Variants in SYN3 observed in about 807,000 individuals in gnomAD.
SYN3 encodes synapsin-3.
SYN3 carries 35 observed loss-of-function variants against 65.8 expected under a neutral mutation model. That is an observed-to-expected ratio of 0.53 (90% CI 0.41 to 0.70). The LOEUF (loss-of-function observed/expected upper bound fraction) is 0.70. Among genes scored for constraint, SYN3 ranks in the 30% least tolerant of loss-of-function variants. The pLI, the probability that SYN3 is intolerant of heterozygous loss-of-function variation, is 0.00. For missense variants in SYN3, 680 were observed against 749.0 expected (o/e 0.91, Z 1.08); for synonymous variants, 270 against 292.9 (o/e 0.92, Z 0.80).
At chr22:32,627,692 C>T (rs1437734659) in intron 6 of SYN3, among the ~76,000 whole-genome samples, 1 of 151,990 alleles carries the variant, frequency 6.6e-6, no homozygotes, top group East Asian at 1.9e-4. Flanking sequence ...TGCTCGGAAA[C>T]TCCAAGACCC....
At chr22:32,865,050 T>C in intron 5 of SYN3, 46 bp from the exon 6 acceptor site, 1 of 1,523,620 alleles carries the variant, frequency 6.6e-7, no homozygotes, top group Non-Finnish European at 9.1e-7. Context: ...TGTCACCCAG[T>C]ATAACAAAAC....
At chr22:32,762,213 G>A (rs1405568562) in intron 6 of SYN3, among the ~76,000 whole-genome samples, 1 of 152,138 alleles carries the variant, frequency 6.6e-6, no homozygotes. Context: ...GGTTAAAGCA[G>A]TGGGCTGGGA....
chr22:32,559,037 G>T (rs770244402), intron 7 of SYN3, among the ~76,000 whole-genome samples: 4 of 152,210 alleles, frequency 2.6e-5, no homozygotes, highest in Non-Finnish European at 5.9e-5. Context: ...TATGTGCTTG[G>T]TGCTATTCTA....
chr22:32,984,279 T>C (rs1192852370), intron 2 of SYN3, among the ~76,000 whole-genome samples: 1 of 152,104 alleles, frequency 6.6e-6, no homozygotes, highest in African/African-American at 2.4e-5. Flanking sequence ...AGACTCAGAA[T>C]GTAAACTTCT....
chr22:32,677,757 C>T (rs1047168626), intron 6 of SYN3, among the ~76,000 whole-genome samples: 10 of 151,762 alleles, frequency 6.6e-5, no homozygotes, highest in Non-Finnish European at 1.2e-4. Flanking sequence ...GCCGACATCG[C>T]ACCACTGCAC....
intron 7 of SYN3, chr22:32,583,536 G>GC (rs1298443257): frequency 5.9e-5 from 9 of 152,236 alleles, no homozygotes; most frequent in Non-Finnish European, 1.3e-4. Context: ...ACCTCCCCTG[G>GC]CATGGATGCC....
intron 3 of SYN3, among the ~76,000 whole-genome samples, chr22:32,980,258 C>T (rs1301022108): frequency 1.3e-5 from 2 of 152,140 alleles, no homozygotes; most frequent in Non-Finnish European, 2.9e-5. Context: ...ATTCAAGGCC[C>T]TTCATTATGT....
rs186441803 is a variant in SYN3 at position 33,048,807 on chromosome 22, T to C, written c.-163+9485A>G. On this transcript the variant is annotated intron_variant, in intron 1 of 13. Coordinates refer to ENST00000358763, the MANE Select transcript of SYN3 (RefSeq NM_003490.4). ...CAATGCAAAATGGACTGAAACAACA[T>C]GTATGAAGGTATTAGAGGCTGTTTA... 7.2e-4 allele frequency among the ~76,000 whole-genome samples: 110 copies of C among 152,226 alleles called. 1 individual carries two copies. The highest frequency in any genetic ancestry group is 1.7e-3 in the East Asian group (9 of 5,180).
chr22:32,667,767 C>T (rs1489720197), intron 6 of SYN3, among the ~76,000 whole-genome samples: 5 of 151,544 alleles, frequency 3.3e-5, no homozygotes, highest in African/African-American at 1.2e-4. Flanking sequence ...GGGAAGGCTT[C>T]CAAGAGGAGA....
At chr22:32,524,107 G>T (rs190560445) in intron 12 of SYN3, among the ~76,000 whole-genome samples, 224 of 152,360 alleles carry the variant, frequency 1.5e-3, no homozygotes, top group African/African-American at 5.2e-3. Flanking sequence ...TCTCAGGAAA[G>T]AAGCCATCTC....
At chr22:32,980,899 G>C (rs2052352940) in intron 2 of SYN3, among the ~76,000 whole-genome samples, 197 bp from the exon 3 acceptor site, 1 of 151,442 alleles carries the variant, frequency 6.6e-6, no homozygotes, top group African/African-American at 2.4e-5. Flanking sequence ...TTGTTGCCTA[G>C]GCTAGAGTGC....
At chr22:32,739,660 C>T (rs891451945) in intron 6 of SYN3, among the ~76,000 whole-genome samples, 5 of 152,228 alleles carry the variant, frequency 3.3e-5, no homozygotes, top group Admixed American at 6.5e-5. Flanking sequence ...CCCCCACCTC[C>T]ACCTCTACCC....
At chr22:32,849,328 A>C in intron 6 of SYN3, 1 of 767,856 alleles carries the variant, frequency 1.3e-6, no homozygotes, top group South Asian at 1.5e-5. Flanking sequence ...CATCTATTCC[A>C]GTTGGCTCCA....
At chr22:32,764,613 G>A (rs950089231) in intron 6 of SYN3, among the ~76,000 whole-genome samples, 5 of 152,168 alleles carry the variant, frequency 3.3e-5, no homozygotes, top group Non-Finnish European at 7.3e-5. Context: ...TGTTGGCTCT[G>A]GCTGTGGATT....
intron 6 of SYN3, among the ~76,000 whole-genome samples, chr22:32,743,382 G>C (rs920423705): frequency 6.6e-6 from 1 of 152,198 alleles, no homozygotes; most frequent in African/African-American, 2.4e-5. Flanking sequence ...CCATCCTGGT[G>C]CCCCGAGCCA....
At chr22:32,828,098 T>C (rs1436571220) in intron 6 of SYN3, among the ~76,000 whole-genome samples, 1 of 152,266 alleles carries the variant, frequency 6.6e-6, no homozygotes. Flanking sequence ...GTTGGTCTTG[T>C]TCACCATCTA....
chr22:32,545,246 C>G (rs1479709271), intron 7 of SYN3, among the ~76,000 whole-genome samples: 1 of 152,188 alleles, frequency 6.6e-6, no homozygotes, highest in East Asian at 1.9e-4. Context: ...CAGGCCAGCC[C>G]TGGGCTGCTT....
intron 1 of SYN3, among the ~76,000 whole-genome samples, chr22:33,009,403 T>C (rs1188987700): frequency 6.6e-6 from 1 of 152,214 alleles, no homozygotes; most frequent in Admixed American, 6.5e-5. Context: ...TACTGGCCAG[T>C]GACATATCTT....
At chr22:32,676,175 T>G (rs1283914846) in intron 6 of SYN3, among the ~76,000 whole-genome samples, 1 of 152,216 alleles carries the variant, frequency 6.6e-6, no homozygotes, top group East Asian at 1.9e-4. Flanking sequence ...CTGTCTTTCA[T>G]CAAGCCTCCT....
Sources: allele counts gnomAD v4.1 joint callset (sites outside exome capture counted in the v4.1 genomes callset), GRCh38; gene constraint gnomAD v4.1.1; transcripts MANE v1.5; gene names NCBI Gene and HGNC (gene_info 2026-07-23, HGNC 2026-07-21).